Variants in ABCC12 observed in about 807,000 individuals in gnomAD.
ABCC12 encodes the protein ATP-binding cassette sub-family C member 12.
ABCC12 carries 142 observed loss-of-function variants against 151.1 expected under a neutral mutation model. The observed-to-expected ratio is 0.94, with a 90% CI of 0.82 to 1.08. ABCC12 has a LOEUF of 1.08. ABCC12 is among the 50% of genes least tolerant of loss of function. The pLI is 0.00. For missense variants in ABCC12, 1,638 were observed against 1,691.1 expected (o/e 0.97, Z 0.55); for synonymous variants, 645 against 646.4 (o/e 1.00, Z 0.03).
intron 9 of ABCC12, among the ~76,000 whole-genome samples, chr16:48,132,215 C>T (rs1322941109): frequency 6.6e-6 from 1 of 152,212 alleles, no homozygotes; most frequent in Non-Finnish European, 1.5e-5. Flanking sequence ...GGCAGCGTTA[C>T]ATCCAGCCTT....
Position 48,085,692 on chromosome 16 carries a change from T to A in ABCC12, c.3729A>T (p.Pro1243=). The A allele has an allele frequency of 6.2e-7, 1 of 1,614,054 alleles. No homozygotes were observed. Among genetic ancestry groups the A allele is most frequent in the Non-Finnish European group, 8.5e-7 (1 of 1,179,892 alleles). The part of the protein sequence containing the change: ...TFMRDTIMKL[P]EKLQAEVTEN... ...CTGTGACTTCTGCCTGTAATTTTTC[T>A]GGGAGTTTCATTATCTACAAAACAC... Residue 1243 remains proline, a synonymous_variant, in exon 29 of 31, where the codon CCA becomes CCT. Transcript: ENST00000311303.
intron 9 of ABCC12, 28 bp downstream of exon 9, chr16:48,133,659 A>T: frequency 6.2e-7 from 1 of 1,610,246 alleles, no homozygotes; most frequent in Non-Finnish European, 8.5e-7. Flanking sequence ...AGGTTGTGAA[A>T]GAGCCTCGAT....
At chr16:48,154,657 G>T (rs966320803) in intron 1 of ABCC12, among the ~76,000 whole-genome samples, 1 of 152,190 alleles carries the variant, frequency 6.6e-6, no homozygotes, top group South Asian at 2.1e-4. Flanking sequence ...AAGATGTCTA[G>T]AAGTCATCTC....
intron 8 of ABCC12, among the ~76,000 whole-genome samples, chr16:48,136,003 G>T (rs1964594836): frequency 6.6e-6 from 1 of 152,162 alleles, no homozygotes; most frequent in African/African-American, 2.4e-5. Flanking sequence ...CTTCACAGGT[G>T]CTTTCTCATA....
intron 1 of ABCC12, among the ~76,000 whole-genome samples, chr16:48,154,229 C>G (rs946565600): frequency 2.6e-5 from 4 of 152,196 alleles, no homozygotes; most frequent in Admixed American, 2.0e-4. Context: ...ACAGACTGGA[C>G]AGGCAGAAGC....
At chr16:48,100,846 G>C in intron 23 of ABCC12, 26 bp downstream of exon 23, 2 of 1,610,564 alleles carry the variant, frequency 1.2e-6, no homozygotes, top group Non-Finnish European at 1.7e-6. Flanking sequence ...ATGGGGGCCT[G>C]GGGCAGGGCC....
intron 24 of ABCC12, among the ~76,000 whole-genome samples, chr16:48,092,796 G>C (rs1018521484): frequency 2.0e-5 from 3 of 152,162 alleles, no homozygotes; most frequent in African/African-American, 7.2e-5. Context: ...ACCTTAGATA[G>C]GGGTTTCCAG....
intron 21 of ABCC12, 99 bp downstream of exon 21, chr16:48,105,040 C>T: frequency 1.5e-6 from 2 of 1,360,720 alleles, no homozygotes; most frequent in Non-Finnish European, 2.1e-6. Flanking sequence ...AGGGCTCTGG[C>T]TGTCCCCAGA....
rs560968261 is a variant in ABCC12, at chr16:48,082,381, C to T, written c.*1334G>A. Among the ~76,000 whole-genome samples the T allele has an allele frequency of 1.2e-4, 18 of 152,378 alleles. No individual in the cohort carries two copies. Among genetic ancestry groups the T allele is most frequent in the Admixed American group, 9.1e-4 (14 of 15,310 alleles). On this transcript the variant is annotated 3_prime_UTR_variant, in exon 31 of 31. Transcript: ENST00000311303. ...AATAATCGGTTGGAGGTTAACCTCA[C>T]ATGCCCAGCCCTTGAATTGCTGGCT...
At chr16:48,115,356 G>C in intron 15 of ABCC12, 59 bp downstream of exon 15, 1 of 1,560,096 alleles carries the variant, frequency 6.4e-7, no homozygotes, top group Non-Finnish European at 8.8e-7. Context: ...GGCTCTGTGA[G>C]CATCAGATCC....
chr16:48,085,541 C>A (rs547605544), intron 29 of ABCC12, 52 bp downstream of exon 29: 10 of 1,504,640 alleles, frequency 6.6e-6, no homozygotes, highest in East Asian at 2.3e-5. Flanking sequence ...GATTGAGTGG[C>A]GCTGCGGGAA....
chr16:48,105,433 A>G, intron 20 of ABCC12, 97 bp from the exon 21 acceptor site: 2 of 1,233,916 alleles, frequency 1.6e-6, no homozygotes, highest in Non-Finnish European at 2.3e-6. Context: ...AGAAACTAAG[A>G]AGAAGCACAT....
At position 48,091,215 on chromosome 16, in the gene ABCC12, G is replaced by A. The variant is rs746599623; in HGVS notation, c.3196-6C>T. On this transcript the variant is annotated splice_polypyrimidine_tract_variant and splice_region_variant and intron_variant, in intron 24 of 30. Transcript: ENST00000311303. Reference sequence around the variant, plus strand: ...ACTTGGAGCAGTCCGCTCAGCTGTTGAAAAGGAGCGAGCAGCCGCAGTTAG... The same window carrying A: ...ACTTGGAGCAGTCCGCTCAGCTGTTAAAAAGGAGCGAGCAGCCGCAGTTAG... The A allele has an allele frequency of 1.2e-6, 2 of 1,613,944 alleles. No individual in the cohort carries two copies. The highest frequency in any genetic ancestry group is 2.2e-5 in the South Asian group (2 of 91,082).
rs1567447541 is a variant in ABCC12, at chr16:48,104,333, A to T, written c.2709T>A (p.Thr903=). The stretch of plus-strand genomic sequence containing the variant: ...AACGGTTCATTAGCCTGCCAGTGGG[A>T]GTCGTGTCAAAGAAACTCATTGGGC... ...LKSPMSFFDT[T]PTGRLMNRFS... is the part of the protein sequence containing the mutation. The change falls in exon 22 of 31, where the codon ACT becomes ACA. Residue 903 remains threonine, a synonymous_variant. Coordinates refer to ENST00000311303, the MANE Select transcript of ABCC12 (RefSeq NM_001393797.1). 6.2e-7 allele frequency: 1 copy of T among 1,614,228 alleles called. No homozygotes were observed. The highest frequency in any genetic ancestry group is 1.7e-5 in the Admixed American group (1 of 60,030).
chr16:48,130,118 G>A (rs564218382), intron 10 of ABCC12, among the ~76,000 whole-genome samples: 5 of 152,330 alleles, frequency 3.3e-5, no homozygotes, highest in Admixed American at 3.3e-4. Context: ...ATTCATAGAT[G>A]TTTGAACAAG....
Position 48,091,126 on chromosome 16 carries a change from G to T in ABCC12, c.3279C>A (p.Tyr1093Ter). ...KFTSVELLRE[Y>*]ISTCVPECTH... ...TGATGCACTAATTTCTTACCGAAAT[G>T]TATTCCCTGAGCAGCTCCACGGAGG... Residue 1093 changes from tyrosine to a stop codon, truncating the protein, a stop_gained, in exon 25 of 31, where the codon TAC (tyrosine) becomes TAA (stop). Coordinates refer to ENST00000311303, the MANE Select transcript of ABCC12 (RefSeq NM_001393797.1). LOFTEE classifies it high-confidence loss of function. The T allele has an allele frequency of 6.2e-7, 1 of 1,614,130 alleles. No homozygotes were observed. Among genetic ancestry groups the T allele is most frequent in the Non-Finnish European group, 8.5e-7 (1 of 1,179,988 alleles).
intron 1 of ABCC12, among the ~76,000 whole-genome samples, chr16:48,155,474 T>A (rs1270416276): frequency 6.6e-6 from 1 of 151,748 alleles, no homozygotes; most frequent in Admixed American, 6.6e-5. Flanking sequence ...ATAAATCCCA[T>A]AATTAAATTG....
chr16:48,092,022 G>GT (rs1962919398), intron 24 of ABCC12, among the ~76,000 whole-genome samples: 1 of 152,194 alleles, frequency 6.6e-6, no homozygotes, highest in African/African-American at 2.4e-5. Flanking sequence ...AGAGACTGGA[G>GT]TGATGCAGCT....
At position 48,150,791 on chromosome 16, in the gene ABCC12, T is replaced by C. The variant is rs530782130; in HGVS notation, c.-51+2825A>G. 3.3e-5 allele frequency among the ~76,000 whole-genome samples: 5 copies of C among 152,252 alleles called. No homozygotes were observed. In the South Asian group the frequency reaches 1.0e-3, roughly 32 times the overall value. On this transcript the variant is annotated intron_variant, in intron 2 of 30. Coordinates refer to ENST00000311303, the MANE Select transcript of ABCC12 (RefSeq NM_001393797.1). ...ATATTAACTAGTGCATAAACACATA[T>C]CTATAAATATTTCTATATGTAACCG... is the stretch of plus-strand genomic sequence containing the variant.
Sources: allele counts gnomAD v4.1 joint callset (sites outside exome capture counted in the v4.1 genomes callset), GRCh38; gene constraint gnomAD v4.1.1; transcripts MANE v1.5; gene names NCBI Gene and HGNC (gene_info 2026-07-23, HGNC 2026-07-21).